The following CHODL variants were observed in gnomAD, a reference collection of about 807,000 sequenced individuals.
CHODL encodes transmembrane protein MT75.
Under a neutral mutation model 34.5 loss-of-function variants are expected in CHODL, and 29 were observed. The ratio of observed to expected loss-of-function variants is 0.84; its 90% CI spans 0.63 to 1.15. The LOEUF (loss-of-function observed/expected upper bound fraction) is 1.15. Ranked by LOEUF, CHODL falls within the 50% of genes most tolerant of loss-of-function variation. The pLI, the probability that CHODL is intolerant of heterozygous loss-of-function variation, is 0.00. For synonymous variants in CHODL, 125 were observed against 116.1 expected, an observed-to-expected ratio of 1.08 and a Z score of -0.49; for missense variants, 332 against 332.5, an observed-to-expected ratio of 1.00 and a Z score of 0.01.
rs2073287123 is a variant in CHODL, at chr21:18,174,872, C to A, written c.-44-81637C>A. Among the ~76,000 whole-genome samples the A allele has an allele frequency of 2.0e-5, 3 of 152,184 alleles. No individual in the cohort carries two copies. In the South Asian group the frequency reaches 6.2e-4, roughly 32 times the overall value. ...ATGCCTAGATATAAAGGCATTTTAG[C>A]AAATTCTTAGAGTAAATCATTGTGG... On this transcript the variant is annotated intron_variant, in intron 2 of 6. Coordinates refer to the CHODL transcript ENST00000400127.
At chr21:18,130,921 G>T (rs2072646533) in intron 2 of CHODL, among the ~76,000 whole-genome samples, 1 of 152,058 alleles carries the variant, frequency 6.6e-6, no homozygotes, top group African/African-American at 2.4e-5. Flanking sequence ...ATCTGAGTCA[G>T]CTTGGGCAAC....
chr21:18,207,658 G>C (rs1018892757), intron 2 of CHODL, among the ~76,000 whole-genome samples: 2 of 36,876 alleles, frequency 5.4e-5, no homozygotes, highest in African/African-American at 1.9e-4. Context: ...AAATCTCTCA[G>C]CTTTTTTTTT....
intron 2 of CHODL, among the ~76,000 whole-genome samples, chr21:18,096,148 C>A (rs1277858255): frequency 6.6e-6 from 1 of 152,158 alleles, no homozygotes. Context: ...GGACATTGAT[C>A]ACTTCCCCAA....
At chr21:18,229,912 T>A (rs918730918) in intron 2 of CHODL, among the ~76,000 whole-genome samples, 1 of 152,146 alleles carries the variant, frequency 6.6e-6, no homozygotes, top group Non-Finnish European at 1.5e-5. Flanking sequence ...CCTGGTCACC[T>A]ACATTTGGCC....
At chr21:17,974,056 G>A (rs181664342) in intron 1 of CHODL, among the ~76,000 whole-genome samples, 11 of 152,230 alleles carry the variant, frequency 7.2e-5, no homozygotes, top group Admixed American at 5.9e-4. Context: ...CCTCCAGGAA[G>A]GGATGCCCCT....
At chr21:18,223,409 C>A (rs564749503) in intron 2 of CHODL, among the ~76,000 whole-genome samples, 5 of 152,248 alleles carry the variant, frequency 3.3e-5, no homozygotes, top group African/African-American at 1.2e-4. Flanking sequence ...TGTATAAGAG[C>A]TCAGAGGCCT....
chr21:18,098,986 A>G (rs889951500), intron 2 of CHODL, among the ~76,000 whole-genome samples: 12 of 152,138 alleles, frequency 7.9e-5, no homozygotes, highest in African/African-American at 2.9e-4. Context: ...GGAAAGACAA[A>G]CATCGTATAT....
chr21:18,112,882 G>A (rs1186160945), intron 2 of CHODL, among the ~76,000 whole-genome samples: 2 of 152,012 alleles, frequency 1.3e-5, no homozygotes, highest in South Asian at 2.1e-4. Context: ...AATACCCTAA[G>A]AGCACAGGCA....
chr21:17,955,924 T>C (rs1034845082), intron 1 of CHODL, among the ~76,000 whole-genome samples: 1 of 136,876 alleles, frequency 7.3e-6, no homozygotes, highest in African/African-American at 2.5e-5. Flanking sequence ...TTCAGAAATA[T>C]ATTAAAGCCC....
intron 2 of CHODL, among the ~76,000 whole-genome samples, chr21:18,169,681 G>C (rs914833068): frequency 4.0e-5 from 6 of 151,794 alleles, no homozygotes. Flanking sequence ...TTTTTAAACG[G>C]ATAAGTTTAG....
intron 2 of CHODL, among the ~76,000 whole-genome samples, chr21:18,035,255 C>G (rs961851769): frequency 6.6e-5 from 10 of 151,964 alleles, no homozygotes; most frequent in African/African-American, 2.4e-4. Flanking sequence ...GTATAGAACA[C>G]CAGGTTGTGA....
intron 1 of CHODL, among the ~76,000 whole-genome samples, chr21:18,017,510 T>A (rs1039224418): frequency 6.6e-6 from 1 of 152,208 alleles, no homozygotes; most frequent in South Asian, 2.1e-4. Context: ...TCAGAGGGCA[T>A]GAGCCATAAG....
chr21:18,214,464 A>G (rs1029159766), intron 2 of CHODL, among the ~76,000 whole-genome samples: 3 of 152,128 alleles, frequency 2.0e-5, no homozygotes, highest in African/African-American at 4.8e-5. Flanking sequence ...GTACACGCCA[A>G]TAAATGTCTA....
rs551136125 is a variant in CHODL at position 18,091,958 on chromosome 21, G to A, written c.-45+63987G>A. 1.4e-4 allele frequency among the ~76,000 whole-genome samples: 22 copies of A among 152,086 alleles called. No individual in the cohort carries two copies. In the South Asian group the frequency reaches 2.1e-3, roughly 14 times the overall value. On this transcript the variant is annotated intron_variant, in intron 2 of 6. Transcript: ENST00000400127. ...TAGAATAGAGCAACTGGTAAATTGC[G>A]GATATTTTTGACTTCAATCTCTGGC...
Position 18,257,081 on chromosome 21 carries a change from T to C in CHODL, c.501T>C (p.Asp167=). 6.2e-7 allele frequency: 1 copy of C among 1,613,888 alleles called. No individual in the cohort carries two copies. The highest frequency in any genetic ancestry group is 1.7e-4 in the Middle Eastern group (1 of 6,056). Residue 167 remains aspartate (D), a synonymous_variant, in exon 3 of 6, where the codon GAT becomes GAC. Transcript: ENST00000299295. ...LGGPYLYQWN[D]DRCNMKHNYI... ...GTCCCTACCTTTACCAGTGGAATGA[T>C]GACAGGTGTAACATGAAGCACAATT...
At chr21:18,151,194 T>C (rs2072963398) in intron 2 of CHODL, among the ~76,000 whole-genome samples, 1 of 151,798 alleles carries the variant, frequency 6.6e-6, no homozygotes, top group Non-Finnish European at 1.5e-5. Flanking sequence ...GAGGAAGACA[T>C]GCTGCACAGA....
Position 18,098,902 on chromosome 21 carries a change from G to T in CHODL, c.-45+70931G>T, listed in dbSNP as rs564584914. Among the ~76,000 whole-genome samples the T allele has an allele frequency of 3.3e-5, 5 of 149,268 alleles. No individual in the cohort carries two copies. The East Asian group carries it at 9.6e-4, about 29-fold the overall frequency. On this transcript the variant is annotated intron_variant, in intron 2 of 6. Coordinates refer to the CHODL transcript ENST00000400127. ...TGGAGTCCTATTCAGCCATAAAAAT[G>T]AATGATATTCTGTTATTTGCAACAA...
intron 2 of CHODL, among the ~76,000 whole-genome samples, chr21:18,102,651 C>T (rs1339356883): frequency 1.3e-5 from 2 of 152,052 alleles, no homozygotes; most frequent in Non-Finnish European, 2.9e-5. Flanking sequence ...TAAAGAAATA[C>T]CTATTGCTCT....
intron 2 of CHODL, among the ~76,000 whole-genome samples, chr21:18,084,875 C>T (rs1019974685): frequency 1.3e-5 from 2 of 150,446 alleles, no homozygotes; most frequent in African/African-American, 4.9e-5. Flanking sequence ...TGTTAAAGTC[C>T]CCCACTATTA....
Sources: allele counts gnomAD v4.1 joint callset (sites outside exome capture counted in the v4.1 genomes callset), GRCh38; gene constraint gnomAD v4.1.1; transcripts MANE v1.5; gene names NCBI Gene and HGNC (gene_info 2026-07-23, HGNC 2026-07-21).